Variants in NUMA1 observed in about 807,000 individuals in gnomAD.
The protein encoded by NUMA1 is nuclear mitotic apparatus protein 1.
NUMA1 carries 62 observed loss-of-function variants against 237.1 expected under a neutral mutation model. That is an observed-to-expected ratio of 0.26 (90% CI 0.21 to 0.32). The LOEUF is 0.32. Among genes scored for constraint, NUMA1 ranks in the 10% least tolerant of loss-of-function variants. The probability of loss-of-function intolerance (pLI) is 1.00; values close to 1 mark genes in which losing one functional copy is unlikely to be tolerated. For missense variants in NUMA1, 2,533 were observed against 2,666.5 expected (o/e 0.95, Z 1.10); for synonymous variants, 1,028 against 1,066.1 (o/e 0.96, Z 0.70).
intron 2 of NUMA1, chr11:72,065,326 GA>G (rs900983907): frequency 4.0e-5 from 6 of 151,580 alleles, no homozygotes; most frequent in African/African-American, 1.2e-4. Context: ...AAAATGATTT[GA>G]AAAAAATTCC....
intron 4 of NUMA1, 56 bp downstream of exon 4, chr11:72,029,149 C>A (rs1483810749): frequency 3.9e-6 from 5 of 1,282,192 alleles, no homozygotes; most frequent in Non-Finnish European, 5.6e-6. Context: ...GTACAGCCCC[C>A]ACCCCAGCAA....
rs925489262 is a variant in NUMA1 at position 72,015,018 on chromosome 11, C to T, written c.2485G>A (p.Ala829Thr). 8 of 1,614,006 alleles carry T rather than the reference C, an allele frequency of 5.0e-6. No individual in the cohort carries two copies. In the Admixed American group the frequency reaches 8.3e-5, roughly 17 times the overall value. ...DSQQEEAQYG[A>T]MFQEQLMTLK... Reference sequence around the variant, plus strand: ...GTCATCAGCTGTTCCTGGAACATGGCGCCATACTGTGCCTCCTCTTGCTGG... The same window carrying T: ...GTCATCAGCTGTTCCTGGAACATGGTGCCATACTGTGCCTCCTCTTGCTGG... Residue 829 changes from alanine to threonine, a missense_variant, in exon 15 of 27, where the codon GCC becomes ACC. By Grantham distance (58) the Ala-to-Thr change is moderately conservative (BLOSUM62 0). Transcript: ENST00000393695. The surrounding 1 kb of genome is among the most constrained non-coding windows in gnomAD (Gnocchi z 4.0).
chr11:72,019,475 G>A lies in NUMA1; in HGVS notation c.584+19C>T. Reference sequence around the variant, plus strand: ...TGGATGCTGAGGCCCTATCCCAGGAGGAGAGGCCCAGAACATACTTGTTCC... The same window carrying A: ...TGGATGCTGAGGCCCTATCCCAGGAAGAGAGGCCCAGAACATACTTGTTCC... On this transcript the variant is annotated intron_variant, in intron 9 of 26. Coordinates refer to ENST00000393695, the MANE Select transcript of NUMA1 (RefSeq NM_006185.4). 1.2e-6 allele frequency: 2 copies of A among 1,611,006 alleles called. No individual in the cohort carries two copies. Among genetic ancestry groups the A allele is most frequent in the Non-Finnish European group, 1.7e-6 (2 of 1,178,306 alleles).
intron 16 of NUMA1, 23 bp from the exon 17 acceptor site, chr11:72,010,877 GA>G (rs1377516910): frequency 6.2e-7 from 1 of 1,608,156 alleles, no homozygotes; most frequent in Non-Finnish European, 8.5e-7. Flanking sequence ...GAGGAGGACA[GA>G]AGACTCAGGA....
intron 4 of NUMA1, 24 bp downstream of exon 4, chr11:72,029,181 G>C (rs759767919): frequency 1.3e-6 from 2 of 1,574,602 alleles, no homozygotes; most frequent in Non-Finnish European, 8.7e-7. Flanking sequence ...TTAGAGGCTA[G>C]AAAGGGGTAT....
chr11:72,019,524 T>C lies in NUMA1; in HGVS notation c.554A>G (p.Gln185Arg). ...CCCACTGGAAGAGGAGGCAACCTTC[T>C]GTAGCTCTAGGAAGCGAATCTCCCT... ...AKREIRFLEL[Q>R]KVASSSSGNN... Residue 185 changes from glutamine (Q) to arginine (R), a missense_variant, in exon 9 of 27, where the codon CAG becomes CGG. Transcript: ENST00000393695. 1 of 1,613,808 alleles carries C rather than the reference T, an allele frequency of 6.2e-7. No individual in the cohort carries two copies. The highest frequency in any genetic ancestry group is 8.5e-7 in the Non-Finnish European group (1 of 1,179,786).
chr11:72,048,813 G>C (rs541640490), intron 2 of NUMA1, among the ~76,000 whole-genome samples: 1 of 152,278 alleles, frequency 6.6e-6, no homozygotes, highest in African/African-American at 2.4e-5. Flanking sequence ...ACCAAGAAAA[G>C]TCTTGTACTA....
Position 72,080,475 on chromosome 11 carries a change from C to T in NUMA1, c.-120G>A, listed in dbSNP as rs1173996874. 1 of 152,220 alleles carries T rather than the reference C, an allele frequency of 6.6e-6. No individual in the cohort carries two copies. Among genetic ancestry groups the T allele is most frequent in the Non-Finnish European group, 1.5e-5 (1 of 68,054 alleles). 9.4% of individuals were successfully genotyped at this position (152,220 alleles called of 1,614,324 possible). On this transcript the variant is annotated 5_prime_UTR_variant, in exon 1 of 27. Coordinates refer to ENST00000393695, the MANE Select transcript of NUMA1 (RefSeq NM_006185.4). ...CCGGTTACCTGGCTGCGCGCTCCCG[C>T]TCTGCCTCGCGATTCTCCGGAATCG...
At chr11:72,005,189 G>C (rs2852364) in intron 23 of NUMA1, 44 bp downstream of exon 23, 4 of 1,526,682 alleles carry the variant, frequency 2.6e-6, no homozygotes, top group Non-Finnish European at 3.5e-6. Flanking sequence ...GATTCCAAGG[G>C]AGGGCAGGGA....
Position 72,014,021 on chromosome 11 carries a change from T to C in NUMA1, c.3482A>G (p.Asp1161Gly). Reference protein sequence around the residue: ...EAERASRAERDSALETLQGQL... With the variant: ...EAERASRAERGSALETLQGQL... Reference sequence around the variant, plus strand: ...GCCCTGCAGAGTCTCCAGAGCACTGTCCCGCTCAGCCCGGGAGGCCCGCTC... The same window carrying C: ...GCCCTGCAGAGTCTCCAGAGCACTGCCCCGCTCAGCCCGGGAGGCCCGCTC... Residue 1161 changes from aspartate to glycine, a missense_variant, in exon 15 of 27, where the codon GAC (aspartate) becomes GGC (glycine). Physicochemically the swap from Asp to Gly is moderately conservative, Grantham distance 94. Coordinates refer to ENST00000393695, the MANE Select transcript of NUMA1 (RefSeq NM_006185.4). This position sits in a 1 kb window ranked among gnomAD's most constrained non-coding sequence, Gnocchi z 4.6. 6.2e-7 allele frequency: 1 copy of C among 1,611,732 alleles called. No homozygotes were observed. The highest frequency in any genetic ancestry group is 8.5e-7 in the Non-Finnish European group (1 of 1,179,952).
rs752972664 is a variant in NUMA1, at chr11:72,003,883, C to T, written c.6336+4G>A. On this transcript the variant is annotated splice_donor_region_variant and intron_variant, in intron 26 of 26. Coordinates refer to ENST00000393695, the MANE Select transcript of NUMA1 (RefSeq NM_006185.4). ...TCCCTCCCCCATCCTGCCAGTGCCTCTACCTTGCCCTTGGCTCGAGGGGTG... is the reference window on the plus strand; with the variant it reads ...TCCCTCCCCCATCCTGCCAGTGCCTTTACCTTGCCCTTGGCTCGAGGGGTG... The T allele has an allele frequency of 4.2e-5, 67 of 1,613,360 alleles. No individual in the cohort carries two copies. Among genetic ancestry groups the T allele is most frequent in the Non-Finnish European group, 5.1e-5 (60 of 1,179,862 alleles).
In NUMA1 at chr11:72,028,450, TAAAAAAAAAAAAAAA is replaced by T. The variant is rs11300189; in HGVS notation, c.128+740_128+754del. The stretch of plus-strand genomic sequence containing the variant: ...GCAAACAATCTAATGTGCTTTTTCT[TAAAAAAAAAAAAAAA>T]AAAAAAAAAAAAAGATGACAACTGA... On this transcript the variant is annotated intron_variant, in intron 4 of 26. Coordinates refer to ENST00000393695, the MANE Select transcript of NUMA1 (RefSeq NM_006185.4). 9.3e-5 allele frequency among the ~76,000 whole-genome samples: 7 copies of T among 75,398 alleles called. No homozygotes were observed. In the South Asian group the frequency reaches 1.5e-3, roughly 17 times the overall value. 49.5% of individuals were successfully genotyped at this position (75,398 alleles called of 152,430 possible). A position where few individuals can be genotyped will look rare whatever the true frequency, so the allele number is the denominator to read the frequency against.
At chr11:72,076,038 T>C (rs1943690635) in intron 1 of NUMA1, among the ~76,000 whole-genome samples, 1 of 152,188 alleles carries the variant, frequency 6.6e-6, no homozygotes, top group Non-Finnish European at 1.5e-5. Flanking sequence ...ATAAAAAACT[T>C]GCCTTGCTCA....
Position 72,019,542 on chromosome 11 carries a change from A to G in NUMA1, c.536T>C (p.Ile179Thr), listed in dbSNP as rs764911130. The part of the protein sequence containing the change: ...SPPSHQAKRE[I>T]RFLELQKVAS... The stretch of plus-strand genomic sequence containing the variant: ...AACCTTCTGTAGCTCTAGGAAGCGA[A>G]TCTCCCTCTTGGCCTGGTGGCTAGG... Residue 179 changes from isoleucine (I) to threonine (T), a missense_variant, in exon 9 of 27, where the codon ATT becomes ACT. Around this residue, in one of 3 missense-constraint regions of NUMA1, gnomAD observed 1,414 missense variants for 1,508.1 expected, o/e 0.94. Transcript: ENST00000393695. The G allele has an allele frequency of 1.9e-6, 3 of 1,614,002 alleles. No individual in the cohort carries two copies. The highest frequency in any genetic ancestry group is 2.5e-6 in the Non-Finnish European group (3 of 1,179,904).
At chr11:72,019,875 G>A (rs73533759) in intron 8 of NUMA1, among the ~76,000 whole-genome samples, 1,617 of 152,184 alleles carry the variant, frequency 0.011, 17 homozygotes, top group African/African-American at 0.037. Context: ...GTGGAGTGAC[G>A]GTGTCCTCTG....
intron 9 of NUMA1, 135 bp from the exon 10 acceptor site, chr11:72,019,115 G>T: frequency 1.1e-6 from 1 of 898,248 alleles, no homozygotes; most frequent in Admixed American, 2.7e-5. Context: ...TGGGTTGTTT[G>T]CAGTGCTACC....
chr11:72,012,276 T>C, intron 16 of NUMA1, 125 bp downstream of exon 16: 1 of 898,950 alleles, frequency 1.1e-6, no homozygotes, highest in South Asian at 1.6e-5. Flanking sequence ...TTCCATGGCT[T>C]GACCCTGCCC....
At chr11:72,070,516 A>C (rs1172023470) in intron 1 of NUMA1, among the ~76,000 whole-genome samples, 1 of 152,218 alleles carries the variant, frequency 6.6e-6, no homozygotes, top group Non-Finnish European at 1.5e-5. Flanking sequence ...TAACAGAAAC[A>C]AATTATCCAG....
In NUMA1 at chr11:72,006,282, C is replaced by A; in HGVS notation, c.5464-19G>T. 6.2e-7 allele frequency: 1 copy of A among 1,609,218 alleles called. No individual in the cohort carries two copies. The highest frequency in any genetic ancestry group is 8.5e-7 in the Non-Finnish European group (1 of 1,175,934). ...CTAGCTTCTGGAAGACAGAGTGAAT[C>A]TGTTGCAGTGTACAGTCCCTGGCAC... is the stretch of plus-strand genomic sequence containing the variant. On this transcript the variant is annotated intron_variant, in intron 21 of 26. Transcript: ENST00000393695.
Sources: allele counts gnomAD v4.1 joint callset (sites outside exome capture counted in the v4.1 genomes callset), GRCh38; gene constraint gnomAD v4.1.1; regional missense constraint gnomAD v4.1.1; non-coding constraint Gnocchi (gnomAD v3.1); transcripts MANE v1.5; gene names NCBI Gene and HGNC (gene_info 2026-07-23, HGNC 2026-07-21).